Variants in ANGPTL2 observed in about 807,000 individuals in gnomAD.
The protein encoded by ANGPTL2 is angiopoietin like 2.
ANGPTL2 carries 25 observed loss-of-function variants against 52.8 expected under a neutral mutation model. The ratio of observed to expected loss-of-function variants is 0.47; its 90% CI spans 0.35 to 0.66. ANGPTL2 has a LOEUF of 0.66. ANGPTL2 is among the 30% of genes least tolerant of loss of function. The pLI is 0.01. For synonymous variants in ANGPTL2, 276 were observed against 277.4 expected (o/e 1.00, Z 0.05); for missense variants, 546 against 656.9 (o/e 0.83, Z 1.84).
At chr9:127,118,127 T>C (rs1005295189) in intron 1 of ANGPTL2, among the ~76,000 whole-genome samples, 2 of 152,188 alleles carry the variant, frequency 1.3e-5, no homozygotes, top group African/African-American at 2.4e-5. Flanking sequence ...CGATCTCAGC[T>C]CACTGCAACC....
chr9:127,093,218 GC>G (rs746246774), intron 3 of ANGPTL2, among the ~76,000 whole-genome samples: 2 of 152,108 alleles, frequency 1.3e-5, no homozygotes, highest in African/African-American at 2.4e-5. Context: ...ACACAGATGA[GC>G]ATTTCAACTC....
chr9:127,100,811 G>A (rs1371926935), intron 2 of ANGPTL2, among the ~76,000 whole-genome samples: 2 of 152,172 alleles, frequency 1.3e-5, no homozygotes, highest in African/African-American at 4.8e-5. Flanking sequence ...TCCAAGGAAG[G>A]GATCAGCTTC....
intron 2 of ANGPTL2, among the ~76,000 whole-genome samples, chr9:127,096,978 G>A (rs2053204834): frequency 1.3e-5 from 2 of 152,216 alleles, no homozygotes; most frequent in South Asian, 2.1e-4. Context: ...CACAGCAGGT[G>A]TATGCACCCA....
chr9:127,108,852 A>G, intron 1 of ANGPTL2, 72 bp from the exon 2 acceptor site: 1 of 1,118,424 alleles, frequency 8.9e-7, no homozygotes, highest in Non-Finnish European at 1.2e-6. Context: ...CAGTGATCCC[A>G]GCCTTCTCGC....
intron 4 of ANGPTL2, among the ~76,000 whole-genome samples, chr9:127,089,411 G>A (rs1180432541): frequency 1.3e-5 from 2 of 152,158 alleles, no homozygotes; most frequent in Admixed American, 6.5e-5. Context: ...TAAAAATGAC[G>A]CCTGCCGCAC....
At chr9:127,098,583 G>A (rs2053403147) in intron 2 of ANGPTL2, among the ~76,000 whole-genome samples, 2 of 152,108 alleles carry the variant, frequency 1.3e-5, no homozygotes, top group South Asian at 4.1e-4. Context: ...CAGCAAGTAG[G>A]GGAGTACCAA....
chr9:127,120,988 C>G (rs995843236), intron 1 of ANGPTL2, among the ~76,000 whole-genome samples: 15 of 152,134 alleles, frequency 9.9e-5, no homozygotes, highest in Non-Finnish European at 2.9e-5. Flanking sequence ...CTAGCTTTCT[C>G]CTAGAAAGCA....
intron 2 of ANGPTL2, among the ~76,000 whole-genome samples, chr9:127,100,990 T>G (rs1311776912): frequency 1.3e-5 from 2 of 152,212 alleles, no homozygotes; most frequent in Non-Finnish European, 2.9e-5. Context: ...GCAGGACATT[T>G]GTCTGGCACC....
At chr9:127,101,066 A>G (rs2053673280) in intron 2 of ANGPTL2, among the ~76,000 whole-genome samples, 1 of 152,144 alleles carries the variant, frequency 6.6e-6, no homozygotes, top group African/African-American at 2.4e-5. Context: ...CAAGGCCCTT[A>G]CCTTCCTCAT....
intron 1 of ANGPTL2, among the ~76,000 whole-genome samples, chr9:127,112,648 T>C (rs1252537803): frequency 6.6e-6 from 1 of 152,258 alleles, no homozygotes; most frequent in African/African-American, 2.4e-5. Context: ...GAGTCTTTTC[T>C]GTGAAATGGG....
intron 2 of ANGPTL2, 64 bp downstream of exon 2, chr9:127,107,851 A>G (rs2137076240): frequency 1.4e-6 from 2 of 1,476,722 alleles, no homozygotes; most frequent in African/African-American, 1.4e-5. Context: ...TTGTGGACAC[A>G]GCCAAGGGAA....
chr9:127,101,816 T>A (rs1407970206), intron 2 of ANGPTL2, among the ~76,000 whole-genome samples: 1 of 152,236 alleles, frequency 6.6e-6, no homozygotes, highest in African/African-American at 2.4e-5. Context: ...GTTGCATTTA[T>A]AACGTAAACA....
At chr9:127,113,726 G>A (rs947910723) in intron 1 of ANGPTL2, among the ~76,000 whole-genome samples, 1 of 152,226 alleles carries the variant, frequency 6.6e-6, no homozygotes, top group Admixed American at 6.5e-5. Flanking sequence ...CACAAGTGAG[G>A]CTGGTGTGAC....
At chr9:127,104,535 G>A (rs1447016845) in intron 2 of ANGPTL2, among the ~76,000 whole-genome samples, 1 of 152,216 alleles carries the variant, frequency 6.6e-6, no homozygotes, top group Non-Finnish European at 1.5e-5. Flanking sequence ...CTTTGGGTCT[G>A]GCCAGACCTG....
In ANGPTL2 at chr9:127,091,201, C is replaced by A. The variant is rs971986787; in HGVS notation, c.1282+469G>T. Among the ~76,000 whole-genome samples, 6 of 152,246 alleles carry A rather than the reference C, an allele frequency of 3.9e-5. No homozygotes were observed. Among genetic ancestry groups the A allele is most frequent in the Non-Finnish European group, 8.8e-5 (6 of 68,046 alleles). ...TGCAATGTAGTTCTTGTCCTTACTT[C>A]CAGATGCAGAAACTGAGACCCACGG... On this transcript the variant is annotated intron_variant, in intron 4 of 4. Coordinates refer to ENST00000373425, the MANE Select transcript of ANGPTL2 (RefSeq NM_012098.3). This position sits in a 1 kb window ranked among gnomAD's most constrained non-coding sequence, Gnocchi z 4.3.
At chr9:127,114,285 C>T (rs182245100) in intron 1 of ANGPTL2, among the ~76,000 whole-genome samples, 150 of 152,278 alleles carry the variant, frequency 9.9e-4, no homozygotes, top group Non-Finnish European at 1.8e-3. Context: ...AACAGCAAAG[C>T]TGACATTTAT....
intron 2 of ANGPTL2, among the ~76,000 whole-genome samples, chr9:127,104,280 C>G (rs989476199): frequency 3.3e-5 from 5 of 152,224 alleles, no homozygotes; most frequent in Non-Finnish European, 2.9e-5. Flanking sequence ...TCCTTTCCTC[C>G]CTGATCAGTC....
At position 127,093,922 on chromosome 9, in the gene ANGPTL2, T is replaced by A; in HGVS notation, c.822A>T (p.Pro274=). ...LPSSTDKPSG[P]WRDCLQALED... ...CCAGGGCCTGCAGGCAGTCTCTCCA[T>A]GGGCCTGGGGACACAGACATGCATA... The change falls in exon 3 of 5, where the codon CCA becomes CCT. Residue 274 remains proline (P), a synonymous_variant. Coordinates refer to ENST00000373425, the MANE Select transcript of ANGPTL2 (RefSeq NM_012098.3). 1 of 1,613,620 alleles carries A rather than the reference T, an allele frequency of 6.2e-7. No homozygotes were observed. The highest frequency in any genetic ancestry group is 8.5e-7 in the Non-Finnish European group (1 of 1,179,978).
At position 127,108,256 on chromosome 9, in the gene ANGPTL2, T is replaced by A. The variant is rs1332654227; in HGVS notation, c.476A>T (p.Glu159Val). 1 of 1,613,904 alleles carries A rather than the reference T, an allele frequency of 6.2e-7. No individual in the cohort carries two copies. The highest frequency in any genetic ancestry group is 8.5e-7 in the Non-Finnish European group (1 of 1,180,006). ...GGCTGTCTGGTTCAGGATCCTGTTC[T>A]CCAGCTGGGAGAGCTCCAACGCGTT... is the stretch of plus-strand genomic sequence containing the variant. The part of the protein sequence containing the change: ...RDNALELSQL[E>V]NRILNQTADM... Residue 159 changes from glutamate to valine, a missense_variant, in exon 2 of 5, where the codon GAG (glutamate) becomes GTG (valine). Around this residue, in one of 2 missense-constraint regions of ANGPTL2, gnomAD observed 285 missense variants for 295.8 expected, o/e 0.96. Coordinates refer to ENST00000373425, the MANE Select transcript of ANGPTL2 (RefSeq NM_012098.3).
Sources: gnomAD v4.1 joint callset for allele counts (sites outside exome capture counted in the v4.1 genomes callset) on GRCh38, gnomAD v4.1.1 for gene constraint, gnomAD v4.1.1 regional missense constraint, Gnocchi (gnomAD v3.1) non-coding constraint, MANE v1.5 for transcripts, NCBI Gene and HGNC (gene_info 2026-07-23, HGNC 2026-07-21) for gene names.